APOBEC3D: variants seen among roughly 807,000 people sequenced by gnomAD.
APOBEC3D encodes the protein DNA dC->dU-editing enzyme APOBEC-3D.
A neutral mutation model predicts 45.6 loss-of-function variants in APOBEC3D; 37 were observed. That is an observed-to-expected ratio of 0.81 (90% confidence interval 0.62 to 1.07). The LOEUF (loss-of-function observed/expected upper bound fraction) is 1.07, where lower values mean the gene tolerates loss of function less well. Among genes scored for constraint, APOBEC3D ranks in the 50% least tolerant of loss-of-function variants. The pLI is 0.00. For missense variants in APOBEC3D, 496 were observed against 495.3 expected (o/e 1.00, Z -0.01); for synonymous variants, 175 against 180.7 (o/e 0.97, Z 0.25).
chr22:39,023,496 A>G (rs1325767501), intron 2 of APOBEC3D, among the ~76,000 whole-genome samples: 2 of 139,116 alleles, frequency 1.4e-5, no homozygotes, highest in East Asian at 2.1e-4. Flanking sequence ...TGCCCAGGCT[A>G]GAGTGCAATG....
chr22:39,022,721 G>C, intron 1 of APOBEC3D, 101 bp from the exon 2 acceptor site: 1 of 1,453,108 alleles, frequency 6.9e-7, no homozygotes, highest in African/African-American at 1.5e-5. Context: ...GAGGGGTGGG[G>C]GAGGCCCAGG....
At chr22:39,030,187 G>C (rs1242605452) in intron 5 of APOBEC3D, among the ~76,000 whole-genome samples, 2 of 149,320 alleles carry the variant, frequency 1.3e-5, no homozygotes, top group Non-Finnish European at 3.0e-5. Context: ...CTGATTCCTC[G>C]ATGTCAAGGA....
In APOBEC3D at chr22:39,021,319, G is replaced by T. The variant is rs1412409897; in HGVS notation, c.-201G>T. The stretch of plus-strand genomic sequence containing the variant: ...GACGGGGTTTCTCCATGTTGGTCAG[G>T]CTGGTCTCGAACTCCTGACCTCGTG... On this transcript the variant is annotated 5_prime_UTR_variant, in exon 1 of 7. Transcript: ENST00000216099. The T allele has an allele frequency of 1.7e-6, 1 of 596,254 alleles. No homozygotes were observed. The highest frequency in any genetic ancestry group is 3.1e-6 in the Non-Finnish European group (1 of 324,152). 36.9% of individuals were successfully genotyped at this position (596,254 alleles called of 1,614,324 possible).
chr22:39,028,481 G>A (rs1430479369), intron 4 of APOBEC3D, among the ~76,000 whole-genome samples: 2 of 152,224 alleles, frequency 1.3e-5, no homozygotes, highest in Non-Finnish European at 2.9e-5. Flanking sequence ...CACATGCCAT[G>A]AGCTCAGACA....
chr22:39,031,628 C>T (rs1306008549), intron 5 of APOBEC3D, 66 bp from the exon 6 acceptor site: 1 of 1,590,714 alleles, frequency 6.3e-7, no homozygotes. Flanking sequence ...CTCCCATCGC[C>T]CCACCCCTAC....
intron 5 of APOBEC3D, among the ~76,000 whole-genome samples, chr22:39,029,874 G>C (rs183034407): frequency 1.5e-3 from 233 of 152,310 alleles, no homozygotes; most frequent in African/African-American, 5.5e-3. Flanking sequence ...GCCTCCCAAC[G>C]TTCTAGGATT....
intron 4 of APOBEC3D, among the ~76,000 whole-genome samples, chr22:39,027,372 C>G (rs559914613): frequency 1.3e-5 from 2 of 152,240 alleles, no homozygotes; most frequent in South Asian, 4.1e-4. Flanking sequence ...ACCTGCCCCT[C>G]ACTCTCCCTC....
chr22:39,030,905 C>T (rs1926147253), intron 5 of APOBEC3D, among the ~76,000 whole-genome samples: 1 of 152,210 alleles, frequency 6.6e-6, no homozygotes. Context: ...CAGTAGCTCA[C>T]GCCTGCAATC....
intron 4 of APOBEC3D, among the ~76,000 whole-genome samples, chr22:39,026,806 G>A (rs1925718238): frequency 6.6e-6 from 1 of 151,494 alleles, no homozygotes; most frequent in Non-Finnish European, 1.5e-5. Flanking sequence ...AGGCTGGAGT[G>A]CTGTGGTGCG....
At chr22:39,023,219 G>A (rs185298652) in intron 2 of APOBEC3D, among the ~76,000 whole-genome samples, 18 of 151,914 alleles carry the variant, frequency 1.2e-4, no homozygotes, top group Non-Finnish European at 1.6e-4. Flanking sequence ...GGGTTCAAGC[G>A]ATTCTCCTGC....
intron 4 of APOBEC3D, 89 bp from the exon 5 acceptor site, chr22:39,029,274 C>A: frequency 6.8e-7 from 1 of 1,472,714 alleles, no homozygotes; most frequent in South Asian, 1.2e-5. Context: ...TGGGAGAGGC[C>A]CAGACTCCAG....
At chr22:39,028,350 C>T (rs781781975) in intron 4 of APOBEC3D, among the ~76,000 whole-genome samples, 15 of 152,232 alleles carry the variant, frequency 9.9e-5, no homozygotes, top group Non-Finnish European at 1.8e-4. Flanking sequence ...ACAGGGCTGG[C>T]CTCGAAAGGG....
rs1926334650 is a variant in APOBEC3D at position 39,032,590 on chromosome 22, T to A, written c.*274T>A. On this transcript the variant is annotated 3_prime_UTR_variant, in exon 7 of 7. Transcript: ENST00000216099. Reference sequence around the variant, plus strand: ...CCCATCTCCCCAGCATAACCAAATCTTTTTTTTTTTTTTTTTTTTTTGAGA... The same window carrying A: ...CCCATCTCCCCAGCATAACCAAATCATTTTTTTTTTTTTTTTTTTTTGAGA... The A allele has an allele frequency of 7.0e-5, 4 of 57,138 alleles. No individual in the cohort carries two copies. The highest frequency in any genetic ancestry group is 7.2e-4 in the South Asian group (1 of 1,382). 3.5% of individuals were successfully genotyped at this position (57,138 alleles called of 1,614,324 possible). A position where few individuals can be genotyped will look rare whatever the true frequency, so the allele number is the denominator to read the frequency against.
chr22:39,032,062 C>T, intron 6 of APOBEC3D, 89 bp downstream of exon 6: 7 of 1,588,760 alleles, frequency 4.4e-6, no homozygotes, highest in Non-Finnish European at 6.0e-6. Context: ...GGGGCAGTGT[C>T]CCCGGGAAGC....
intron 4 of APOBEC3D, among the ~76,000 whole-genome samples, chr22:39,027,627 C>T (rs1925805970): frequency 6.6e-6 from 1 of 152,216 alleles, no homozygotes; most frequent in African/African-American, 2.4e-5. Flanking sequence ...AGGGAGGCTA[C>T]ACATGAAGCC....
chr22:39,030,014 G>A lies in APOBEC3D; in HGVS notation c.762+495G>A, dbSNP rs535583351. On this transcript the variant is annotated intron_variant, in intron 5 of 6. Transcript: ENST00000216099. ...CTCTTACCAAAAGGCCTTGTTTAGCGCCCAGCGCCCTCACTCTTGACTTTG... is the reference window on the plus strand; with the variant it reads ...CTCTTACCAAAAGGCCTTGTTTAGCACCCAGCGCCCTCACTCTTGACTTTG... 8.4e-3 allele frequency among the ~76,000 whole-genome samples: 1,266 copies of A among 150,792 alleles called. 4 individuals are homozygous for A. Among genetic ancestry groups the A allele is most frequent in the African/African-American group, 0.029 (1,185 of 40,604 alleles).
chr22:39,032,500 T>A lies in APOBEC3D; in HGVS notation c.*184T>A. ...TCCCCGCTCTCCCAGGCTCTTCTTG[T>A]AGAGGCTCTCCATCCACCTCCCCAG... is the stretch of plus-strand genomic sequence containing the variant. On this transcript the variant is annotated 3_prime_UTR_variant, in exon 7 of 7. Transcript: ENST00000216099. 1 of 1,394,910 alleles carries A rather than the reference T, an allele frequency of 7.2e-7. No individual in the cohort carries two copies. Among genetic ancestry groups the A allele is most frequent in the Non-Finnish European group, 9.3e-7 (1 of 1,077,758 alleles). 86.4% of individuals were successfully genotyped at this position (1,394,910 alleles called of 1,614,324 possible).
chr22:39,022,145 C>T (rs1417038581), intron 1 of APOBEC3D, among the ~76,000 whole-genome samples: 1 of 152,240 alleles, frequency 6.6e-6, no homozygotes, highest in Non-Finnish European at 1.5e-5. Flanking sequence ...GAGAAATGCT[C>T]TTATTTTAAA....
chr22:39,023,360 C>T (rs1925315082), intron 2 of APOBEC3D, among the ~76,000 whole-genome samples: 1 of 152,010 alleles, frequency 6.6e-6, no homozygotes, highest in African/African-American at 2.4e-5. Context: ...AGGTGATTCA[C>T]CTGCCTTGGC....
Sources: gnomAD v4.1 joint callset for allele counts (sites outside exome capture counted in the v4.1 genomes callset) on GRCh38, gnomAD v4.1.1 for gene constraint, MANE v1.5 for transcripts, NCBI Gene and HGNC (gene_info 2026-07-23, HGNC 2026-07-21) for gene names.